Variants in OR4N2 observed in about 807,000 individuals in gnomAD.
OR4N2 encodes the protein olfactory receptor 4N2.
For synonymous variants in OR4N2, 141 were observed against 140.4 expected (o/e 1.00, Z -0.03); for missense variants, 307 against 377.6 (o/e 0.81, Z 1.55).
intron 1 of OR4N2, among the ~76,000 whole-genome samples, chr14:19,810,100 C>T (rs1384740896): frequency 6.6e-5 from 10 of 152,180 alleles, no homozygotes; most frequent in South Asian, 2.1e-4. Flanking sequence ...GCAAACTATG[C>T]GCCCAACAAA....
At chr14:19,821,340 T>C (rs1347348143) in intron 1 of OR4N2, among the ~76,000 whole-genome samples, 31 of 152,244 alleles carry the variant, frequency 2.0e-4, no homozygotes, top group Non-Finnish European at 4.3e-4. Context: ...ACCTTCTGCG[T>C]TGGTCTTGCT....
At chr14:19,821,013 C>T (rs1433541708) in intron 1 of OR4N2, among the ~76,000 whole-genome samples, 1 of 152,256 alleles carries the variant, frequency 6.6e-6, no homozygotes, top group Non-Finnish European at 1.5e-5. Context: ...AGTGTCTGCC[C>T]AAATGGCTGC....
intron 1 of OR4N2, among the ~76,000 whole-genome samples, chr14:19,825,939 G>A (rs1420384792): frequency 2.6e-5 from 4 of 152,142 alleles, no homozygotes. Flanking sequence ...TTTGTATTTT[G>A]TTGTAGGCCA....
At chr14:19,826,027 T>A (rs1489364695) in intron 1 of OR4N2, among the ~76,000 whole-genome samples, 1 of 152,244 alleles carries the variant, frequency 6.6e-6, no homozygotes, top group Non-Finnish European at 1.5e-5. Context: ...CATATTTATT[T>A]ATAAAGTATA....
intron 1 of OR4N2, among the ~76,000 whole-genome samples, chr14:19,813,715 A>C (rs1192264217): frequency 6.6e-6 from 1 of 152,212 alleles, no homozygotes; most frequent in Non-Finnish European, 1.5e-5. Context: ...TGGAAAAGAA[A>C]TCTCATACCA....
At chr14:19,809,640 G>A (rs537989019) in intron 1 of OR4N2, among the ~76,000 whole-genome samples, 36 of 152,326 alleles carry the variant, frequency 2.4e-4, no homozygotes, top group African/African-American at 8.4e-4. Context: ...GATGGTACTG[G>A]TACAAAAACA....
At chr14:19,809,714 G>A (rs901236850) in intron 1 of OR4N2, among the ~76,000 whole-genome samples, 1 of 152,166 alleles carries the variant, frequency 6.6e-6, no homozygotes, top group African/African-American at 2.4e-5. Context: ...ATAACTATCT[G>A]AACTTTCACA....
At chr14:19,810,555 A>G (rs1437020087) in intron 1 of OR4N2, among the ~76,000 whole-genome samples, 1 of 152,270 alleles carries the variant, frequency 6.6e-6, no homozygotes, top group Non-Finnish European at 1.5e-5. Context: ...TCAACACAGT[A>G]CTATTCTCAA....
At chr14:19,824,342 A>G (rs2138480143) in intron 1 of OR4N2, among the ~76,000 whole-genome samples, 1 of 152,380 alleles carries the variant, frequency 6.6e-6, no homozygotes, top group Non-Finnish European at 1.5e-5. Context: ...GAAGTCAAGT[A>G]GTACAGAATC....
At chr14:19,816,763 G>T (rs1166342630) in intron 1 of OR4N2, among the ~76,000 whole-genome samples, 1 of 152,246 alleles carries the variant, frequency 6.6e-6, no homozygotes, top group Non-Finnish European at 1.5e-5. Context: ...GGGCATCCTT[G>T]TCTTGTGCTG....
intron 1 of OR4N2, among the ~76,000 whole-genome samples, chr14:19,818,718 G>A (rs1210711895): frequency 1.3e-5 from 2 of 151,866 alleles, no homozygotes; most frequent in African/African-American, 2.4e-5. Flanking sequence ...ATTTGATCCT[G>A]TAATTATGAT....
intron 1 of OR4N2, among the ~76,000 whole-genome samples, chr14:19,817,927 G>C (rs1434894295): frequency 6.6e-6 from 1 of 152,222 alleles, no homozygotes; most frequent in Non-Finnish European, 1.5e-5. Context: ...ATTTATTTCT[G>C]CCTAAATTTC....
chr14:19,806,885 T>G (rs1341957873), intron 1 of OR4N2, among the ~76,000 whole-genome samples: 1 of 152,066 alleles, frequency 6.6e-6, no homozygotes, highest in African/African-American at 2.4e-5. Context: ...GCAATAAAAT[T>G]AGAAATAAAC....
intron 1 of OR4N2, among the ~76,000 whole-genome samples, chr14:19,809,020 A>G (rs1486880812): frequency 6.6e-6 from 1 of 152,242 alleles, no homozygotes; most frequent in Admixed American, 6.5e-5. Context: ...GCAATGGAGA[A>G]AAGACTCTGT....
At chr14:19,817,024 C>T (rs1200835225) in intron 1 of OR4N2, among the ~76,000 whole-genome samples, 1 of 152,262 alleles carries the variant, frequency 6.6e-6, no homozygotes, top group East Asian at 1.9e-4. Flanking sequence ...ACCAGCCTTG[C>T]ATCCCAGGGA....
chr14:19,818,985 T>C (rs1879495492), intron 1 of OR4N2, among the ~76,000 whole-genome samples: 1 of 152,258 alleles, frequency 6.6e-6, no homozygotes, highest in Non-Finnish European at 1.5e-5. Context: ...AAAATTCTTT[T>C]CTTTAAGAAT....
At chr14:19,819,008 C>T (rs772918081) in intron 1 of OR4N2, among the ~76,000 whole-genome samples, 38 of 152,320 alleles carry the variant, frequency 2.5e-4, no homozygotes, top group Non-Finnish European at 1.8e-4. Context: ...TGAATATTGG[C>T]CCCCACTTCT....
At chr14:19,806,621 TG>T (rs1434090154) in intron 1 of OR4N2, among the ~76,000 whole-genome samples, 1 of 152,168 alleles carries the variant, frequency 6.6e-6, no homozygotes, top group African/African-American at 2.4e-5. Flanking sequence ...ACAATAATAC[TG>T]GGAGACTTCA....
At chr14:19,813,807 CT>C (rs1271229274) in intron 1 of OR4N2, among the ~76,000 whole-genome samples, 1 of 151,376 alleles carries the variant, frequency 6.6e-6, no homozygotes, top group Non-Finnish European at 1.5e-5. Context: ...TGGTCTTGCT[CT>C]CCTTGTGGAC....
Sources: allele counts gnomAD v4.1 joint callset (sites outside exome capture counted in the v4.1 genomes callset), GRCh38; gene constraint gnomAD v4.1.1; transcripts MANE v1.5; gene names NCBI Gene and HGNC (gene_info 2026-07-23, HGNC 2026-07-21).